Variants in SESN1 observed in about 807,000 individuals in gnomAD.
The protein encoded by SESN1 is sestrin 1, also known as sestrin-1.
A neutral mutation model predicts 59.3 loss-of-function variants in SESN1; 30 were observed. The observed-to-expected ratio is 0.51, with a 90% CI of 0.38 to 0.69. The LOEUF (loss-of-function observed/expected upper bound fraction) is 0.69, where lower values mean the gene tolerates loss of function less well. SESN1 is among the 30% of genes least tolerant of loss of function. The probability of loss-of-function intolerance (pLI) is 0.00; values close to 1 mark genes in which losing one functional copy is unlikely to be tolerated. For missense variants in SESN1, 566 were observed against 673.0 expected, an observed-to-expected ratio of 0.84 and a Z score of 1.76; for synonymous variants, 197 against 219.9, an observed-to-expected ratio of 0.90 and a Z score of 0.92.
intron 1 of SESN1, among the ~76,000 whole-genome samples, chr6:109,034,361 G>A (rs950464352): frequency 5.3e-5 from 8 of 152,098 alleles, no homozygotes; most frequent in Admixed American, 5.2e-4. Context: ...ATAATTTAGT[G>A]TTAAGTACAA....
At chr6:109,035,003 T>G (rs1780230574) in intron 1 of SESN1, among the ~76,000 whole-genome samples, 1 of 152,212 alleles carries the variant, frequency 6.6e-6, no homozygotes, top group South Asian at 2.1e-4. Flanking sequence ...AATCTGAATT[T>G]CAATTTCACT....
intron 1 of SESN1, among the ~76,000 whole-genome samples, chr6:109,011,305 G>A (rs117518185): frequency 5.3e-5 from 8 of 152,280 alleles, no homozygotes; most frequent in Non-Finnish European, 1.2e-4. Flanking sequence ...TACTGAAATT[G>A]TATAGGAAGC....
chr6:109,027,309 C>T (rs1050500648), intron 1 of SESN1, among the ~76,000 whole-genome samples: 1 of 151,522 alleles, frequency 6.6e-6, no homozygotes, highest in Non-Finnish European at 1.5e-5. Flanking sequence ...CCCGTCTCTA[C>T]TAAAAATATA....
rs80040043 is a variant in SESN1 at position 109,004,931 on chromosome 6, T to A, written c.280-2588A>T. ...TAGAGAAACTGTCATTAATTGTTTATATATTGCTGATGAGAGTGTTTTGAA... is the reference window on the plus strand; with the variant it reads ...TAGAGAAACTGTCATTAATTGTTTAAATATTGCTGATGAGAGTGTTTTGAA... On this transcript the variant is annotated intron_variant, in intron 1 of 9. Coordinates refer to ENST00000436639, the MANE Select transcript of SESN1 (RefSeq NM_014454.3). Among the ~76,000 whole-genome samples the A allele has an allele frequency of 6.6e-3, 1,008 of 152,286 alleles. 42 individuals carry two copies. The East Asian group carries it at 0.11, about 17-fold the overall frequency.
intron 1 of SESN1, among the ~76,000 whole-genome samples, chr6:109,032,401 A>C (rs565354160): frequency 4.2e-4 from 64 of 152,088 alleles, no homozygotes; most frequent in African/African-American, 1.5e-3. Context: ...GGCAAATCAC[A>C]AGGTCAGGAA....
chr6:109,045,892 A>C (rs1223976973), intron 1 of SESN1, among the ~76,000 whole-genome samples: 1 of 152,222 alleles, frequency 6.6e-6, no homozygotes, highest in Non-Finnish European at 1.5e-5. Context: ...AAATAAATAA[A>C]TGTGAGGCAC....
intron 1 of SESN1, among the ~76,000 whole-genome samples, chr6:109,074,152 T>C (rs1780987194): frequency 6.6e-6 from 1 of 152,218 alleles, no homozygotes; most frequent in African/African-American, 2.4e-5. Flanking sequence ...CTAAGAGCAA[T>C]AGCCTAGATA....
intron 1 of SESN1, among the ~76,000 whole-genome samples, chr6:109,050,902 C>T (rs1327213092): frequency 1.3e-5 from 2 of 152,158 alleles, no homozygotes; most frequent in Non-Finnish European, 2.9e-5. Context: ...ACAGCTTCTA[C>T]TGCTTAGGTA....
chr6:109,053,616 C>T (rs950672412), intron 1 of SESN1, among the ~76,000 whole-genome samples: 1 of 152,174 alleles, frequency 6.6e-6, no homozygotes, highest in African/African-American at 2.4e-5. Flanking sequence ...GGAGATGAGG[C>T]TGGGCCAGTG....
intron 1 of SESN1, among the ~76,000 whole-genome samples, chr6:109,004,575 C>T (rs1282148335): frequency 1.3e-5 from 2 of 151,826 alleles, no homozygotes; most frequent in African/African-American, 4.8e-5. Context: ...GGACCACAGG[C>T]GTGTGCCGCC....
chr6:109,047,622 G>C (rs1330171919), intron 1 of SESN1, among the ~76,000 whole-genome samples: 1 of 144,588 alleles, frequency 6.9e-6, no homozygotes, highest in African/African-American at 2.5e-5. Flanking sequence ...GAACGGGCCA[G>C]GATGACAATG....
chr6:109,064,738 G>C lies in SESN1; in HGVS notation c.279+29057C>G, dbSNP rs537756934. On this transcript the variant is annotated intron_variant, in intron 1 of 9. Transcript: ENST00000436639. ...AGGAAGGAAGGGAGGGAGGGAGGGA[G>C]GGATAGCAAGCATAGAGTATATGAA... is the stretch of plus-strand genomic sequence containing the variant. 8.8e-5 allele frequency among the ~76,000 whole-genome samples: 13 copies of C among 147,484 alleles called. No individual in the cohort carries two copies. In the South Asian group the frequency reaches 2.9e-3, roughly 32 times the overall value.
Position 108,998,758 on chromosome 6 carries a change from T to TA in SESN1, c.730-4dup. 1 of 1,596,296 alleles carries TA rather than the reference T, an allele frequency of 6.3e-7. No individual in the cohort carries two copies. Among genetic ancestry groups the TA allele is most frequent in the South Asian group, 1.1e-5 (1 of 88,962 alleles). On this transcript the variant is annotated splice_polypyrimidine_tract_variant and splice_region_variant and intron_variant, in intron 4 of 9. Coordinates refer to ENST00000436639, the MANE Select transcript of SESN1 (RefSeq NM_014454.3). ...TGCTCTTCAGCTTTTAAAAGTCCCT[T>TA]AGGGGGAAAAAAAAAAAGAATATAT...
At chr6:109,039,265 C>T (rs988981819) in intron 1 of SESN1, among the ~76,000 whole-genome samples, 10 of 152,174 alleles carry the variant, frequency 6.6e-5, no homozygotes, top group African/African-American at 2.4e-4. Flanking sequence ...ATTTTGCCTA[C>T]TTCACAAATT....
At chr6:109,027,167 C>T (rs979834651) in intron 1 of SESN1, among the ~76,000 whole-genome samples, 1 of 151,834 alleles carries the variant, frequency 6.6e-6, no homozygotes, top group African/African-American at 2.4e-5. Flanking sequence ...AAGATTCTGT[C>T]TAAAAAACAA....
At chr6:109,061,601 C>T (rs564902515) in intron 1 of SESN1, among the ~76,000 whole-genome samples, 1 of 152,118 alleles carries the variant, frequency 6.6e-6, no homozygotes, top group African/African-American at 2.4e-5. Context: ...GTCAGGAGTT[C>T]GCGACCAGCC....
At chr6:109,079,983 T>C (rs1781093054) in intron 1 of SESN1, among the ~76,000 whole-genome samples, 2 of 152,220 alleles carry the variant, frequency 1.3e-5, no homozygotes, top group African/African-American at 4.8e-5. Context: ...CAACTTGCTG[T>C]ATGATATGTA....
intron 1 of SESN1, among the ~76,000 whole-genome samples, chr6:109,050,536 TCTGAAAGACTGATGAAATTAGCTTC>T (rs1780525757): frequency 6.6e-6 from 1 of 152,150 alleles, no homozygotes; most frequent in South Asian, 2.1e-4. Context: ...GTTGGACTGG[TCTGAAAGACTGATGAAATTAGCTTC>T]CTAAGAGAGG....
At chr6:109,074,303 T>C (rs992140496) in intron 1 of SESN1, among the ~76,000 whole-genome samples, 4 of 144,402 alleles carry the variant, frequency 2.8e-5, no homozygotes, top group Non-Finnish European at 4.5e-5. Context: ...TATATATGTA[T>C]ATACCTTCTA....
Sources: allele counts gnomAD v4.1 joint callset (sites outside exome capture counted in the v4.1 genomes callset), GRCh38; gene constraint gnomAD v4.1.1; transcripts MANE v1.5; gene names NCBI Gene and HGNC (gene_info 2026-07-23, HGNC 2026-07-21).